The following DPYD variants were observed in gnomAD, a reference collection of about 807,000 sequenced individuals.
DPYD encodes the protein dihydropyrimidine dehydrogenase.
A neutral mutation model predicts 116.2 loss-of-function variants in DPYD; 109 were observed. That is an observed-to-expected ratio of 0.94 (90% confidence interval 0.80 to 1.10). The LOEUF is 1.10. Ranked by LOEUF, DPYD falls within the 50% of genes least tolerant of loss-of-function variation. DPYD has a pLI of 0.00. For missense variants in DPYD, 1,302 were observed against 1,254.5 expected, an observed-to-expected ratio of 1.04 and a Z score of -0.57; for synonymous variants, 440 against 432.0, an observed-to-expected ratio of 1.02 and a Z score of -0.23.
At chr1:97,315,523 C>T (rs1054631746) in intron 16 of DPYD, among the ~76,000 whole-genome samples, 1 of 151,962 alleles carries the variant, frequency 6.6e-6, no homozygotes, top group African/African-American at 2.4e-5. Flanking sequence ...CCTCCTAACT[C>T]CCTCTCTGTG....
intron 21 of DPYD, among the ~76,000 whole-genome samples, chr1:97,094,559 G>C (rs1301615890): frequency 6.6e-6 from 1 of 152,114 alleles, no homozygotes; most frequent in Non-Finnish European, 1.5e-5. Flanking sequence ...AGTTAGGTAA[G>C]ATGGGGTTCA....
intron 20 of DPYD, among the ~76,000 whole-genome samples, chr1:97,183,510 T>G (rs1217090327): frequency 6.6e-6 from 1 of 152,122 alleles, no homozygotes. Flanking sequence ...TGCAGATTTA[T>G]AGAAAATCTT....
chr1:97,398,535 T>C (rs998657587), intron 14 of DPYD, among the ~76,000 whole-genome samples: 5 of 152,164 alleles, frequency 3.3e-5, no homozygotes, highest in African/African-American at 1.2e-4. Flanking sequence ...GACTTCACAA[T>C]GGTTGAACTA....
intron 11 of DPYD, among the ~76,000 whole-genome samples, chr1:97,550,621 G>A (rs967464856): frequency 6.6e-6 from 1 of 152,144 alleles, no homozygotes; most frequent in Admixed American, 6.6e-5. Context: ...GTAAGCCAGT[G>A]TTTAGGATAA....
At chr1:97,145,436 C>T (rs924009464) in intron 20 of DPYD, among the ~76,000 whole-genome samples, 3 of 152,094 alleles carry the variant, frequency 2.0e-5, no homozygotes, top group African/African-American at 4.8e-5. Context: ...ATTCCAAGTT[C>T]GTTCCAAGCT....
chr1:97,166,951 T>C (rs1656369756), intron 20 of DPYD, among the ~76,000 whole-genome samples: 2 of 152,208 alleles, frequency 1.3e-5, no homozygotes, highest in African/African-American at 4.8e-5. Flanking sequence ...TTTTATTTTA[T>C]TTTCAATAGT....
chr1:97,482,722 T>C (rs1428822369), intron 13 of DPYD, among the ~76,000 whole-genome samples: 1 of 152,142 alleles, frequency 6.6e-6, no homozygotes, highest in East Asian at 1.9e-4. Flanking sequence ...ATACTGAGAA[T>C]AGGCCAGTTA....
chr1:97,625,786 A>C (rs2100781266), intron 8 of DPYD, among the ~76,000 whole-genome samples: 1 of 151,916 alleles, frequency 6.6e-6, no homozygotes, highest in South Asian at 2.1e-4. Context: ...TGAGAAAATA[A>C]ATTTCTGTTT....
intron 18 of DPYD, among the ~76,000 whole-genome samples, chr1:97,245,609 G>C (rs556310006): frequency 2.0e-4 from 31 of 152,184 alleles, no homozygotes; most frequent in African/African-American, 7.0e-4. Context: ...TATTTGAGTA[G>C]GAGAAGGAGG....
chr1:97,397,258 G>T (rs12043043), intron 14 of DPYD, among the ~76,000 whole-genome samples: 29,073 of 151,882 alleles, frequency 0.19, 2,930 homozygotes, highest in South Asian at 0.36. Flanking sequence ...CTACTGTGTA[G>T]ACTGTAGTAG....
chr1:97,161,247 C>G (rs1376441129), intron 20 of DPYD, among the ~76,000 whole-genome samples: 2 of 152,152 alleles, frequency 1.3e-5, no homozygotes, highest in Non-Finnish European at 2.9e-5. Context: ...ATGTCTCAAA[C>G]AGCCTGACTA....
intron 20 of DPYD, among the ~76,000 whole-genome samples, chr1:97,176,020 C>T (rs763090731): frequency 7.2e-5 from 11 of 152,120 alleles, no homozygotes; most frequent in African/African-American, 1.4e-4. Context: ...GATGTTCTCT[C>T]GGCAATCCTG....
rs903579138 is a variant in DPYD at position 97,593,234 on chromosome 1, C to G, written c.1112G>C (p.Arg371Thr). 2 of 1,614,066 alleles carry G rather than the reference C, an allele frequency of 1.2e-6. No homozygotes were observed. Among genetic ancestry groups the G allele is most frequent in the Non-Finnish European group, 1.7e-6 (2 of 1,179,996 alleles). The change falls in exon 10 of 23, where the codon AGA becomes ACA. Residue 371 changes from arginine to threonine, a missense_variant. Coordinates refer to ENST00000370192, the MANE Select transcript of DPYD (RefSeq NM_000110.4). Reference protein sequence around the residue: ...IVFRKGFVNIRAVPEEMELAK... With the variant: ...IVFRKGFVNITAVPEEMELAK... ...CCATTTTACCTCCTCAGGGACAGCT[C>G]TTATATTAACAAAGCCTTTTCTGAA... is the stretch of plus-strand genomic sequence containing the variant.
At chr1:97,692,819 CAT>C (rs1240302825) in intron 6 of DPYD, among the ~76,000 whole-genome samples, 2 of 152,004 alleles carry the variant, frequency 1.3e-5, no homozygotes, top group African/African-American at 4.8e-5. Context: ...AAATAGCAAT[CAT>C]ATTTTATATA....
intron 14 of DPYD, among the ~76,000 whole-genome samples, chr1:97,440,682 T>C (rs1675733294): frequency 1.3e-5 from 2 of 152,180 alleles, no homozygotes; most frequent in African/African-American, 4.8e-5. Context: ...TTTAGCTTTA[T>C]GTATGCTATA....
chr1:97,703,058 C>A (rs1661698462), intron 5 of DPYD, among the ~76,000 whole-genome samples: 1 of 151,894 alleles, frequency 6.6e-6, no homozygotes, highest in Non-Finnish European at 1.5e-5. Context: ...AAGAGTTGTT[C>A]AATACATACT....
rs1192820929 is a variant in DPYD, at chr1:97,883,309, T to C, written c.105A>G (p.Lys35=). 13 of 1,613,008 alleles carry C rather than the reference T, an allele frequency of 8.1e-6. No individual in the cohort carries two copies. In the Middle Eastern group the frequency reaches 8.3e-4, roughly 103 times the overall value. The change falls in exon 2 of 23, where the codon AAA becomes AAG. Residue 35 remains lysine, a synonymous_variant. Transcript: ENST00000370192. The part of the protein sequence containing the change: ...HATLCSTSAK[K]LDKKHWKRNP... ...TTCTTTTCCAATGTTTCTTGTCTAA[T>C]TTCTTGGCCGAAGTGGAACACAGAG... is the stretch of plus-strand genomic sequence containing the variant.
chr1:97,731,337 C>A (rs1048501906), intron 4 of DPYD, among the ~76,000 whole-genome samples: 1 of 151,848 alleles, frequency 6.6e-6, no homozygotes, highest in Non-Finnish European at 1.5e-5. Context: ...TAATTTAAAC[C>A]CATTAATAGC....
At chr1:97,721,764 C>T (rs1425575621) in intron 4 of DPYD, 93 bp from the exon 5 acceptor site, 1 of 1,226,420 alleles carries the variant, frequency 8.2e-7, no homozygotes, top group African/African-American at 1.5e-5. Flanking sequence ...ACTAGGTAAT[C>T]AGATTGAAGA....
Sources: gnomAD v4.1 joint callset for allele counts (sites outside exome capture counted in the v4.1 genomes callset) on GRCh38, gnomAD v4.1.1 for gene constraint, MANE v1.5 for transcripts, NCBI Gene and HGNC (gene_info 2026-07-23, HGNC 2026-07-21) for gene names.